Variants in ATF7IP observed in about 807,000 individuals in gnomAD.
The protein encoded by ATF7IP is activating transcription factor 7 interacting protein.
ATF7IP carries 23 observed loss-of-function variants against 106.4 expected under a neutral mutation model. The ratio of observed to expected loss-of-function variants is 0.22; its 90% CI spans 0.16 to 0.31. The LOEUF (loss-of-function observed/expected upper bound fraction) is 0.31, where lower values mean the gene tolerates loss of function less well. ATF7IP is among the 10% of genes least tolerant of loss of function. The pLI is 1.00. For synonymous variants in ATF7IP, 542 were observed against 539.0 expected (o/e 1.01, Z -0.08); for missense variants, 1,334 against 1,524.3 (o/e 0.88, Z 2.08).
intron 1 of ATF7IP, among the ~76,000 whole-genome samples, chr12:14,405,285 C>G (rs1433355042): frequency 6.6e-6 from 1 of 150,880 alleles, no homozygotes; most frequent in African/African-American, 2.4e-5. Context: ...TTAATTAGAT[C>G]TACAAAGAGG....
At chr12:14,408,116 G>GTACA (rs71438314) in intron 1 of ATF7IP, among the ~76,000 whole-genome samples, 1 of 148,982 alleles carries the variant, frequency 6.7e-6, no homozygotes, top group Non-Finnish European at 1.5e-5. Flanking sequence ...ATATTGATGT[G>GTACA]CACACACACA....
In ATF7IP at chr12:14,438,177, T is replaced by G. The variant is rs1331239170; in HGVS notation, c.1839T>G (p.Ala613=). ...AAAAATTGTGTGCGCTGCAGTGTGCTGTATTTGATAAGACTTTGGCAGAAT... is the reference window on the plus strand; with the variant it reads ...AAAAATTGTGTGCGCTGCAGTGTGCGGTATTTGATAAGACTTTGGCAGAAT... The part of the protein sequence containing the change: ...LEEKLCALQC[A]VFDKTLAELK... Residue 613 remains alanine (A), a synonymous_variant, in exon 5 of 15, where the codon GCT becomes GCG. Transcript: ENST00000261168. The G allele has an allele frequency of 6.2e-7, 1 of 1,613,284 alleles. No homozygotes were observed. Among genetic ancestry groups the G allele is most frequent in the Non-Finnish European group, 8.5e-7 (1 of 1,179,976 alleles).
intron 1 of ATF7IP, among the ~76,000 whole-genome samples, chr12:14,400,059 G>C (rs1020708246): frequency 3.9e-5 from 6 of 152,018 alleles, no homozygotes; most frequent in South Asian, 2.1e-4. Context: ...GCACTAGCAT[G>C]GAAGAGAGAA....
chr12:14,460,435 T>C lies in ATF7IP; in HGVS notation c.2159-60T>C. ...TGTATTTAATTTGTGTCTGTCATAT[T>C]TTCTTAGTTGATAAATTAATATAAC... On this transcript the variant is annotated intron_variant, in intron 8 of 14. Transcript: ENST00000261168. The C allele has an allele frequency of 2.7e-6, 4 of 1,457,342 alleles. No individual in the cohort carries two copies. In the South Asian group the frequency reaches 5.3e-5, roughly 19 times the overall value. 90.3% of individuals were successfully genotyped at this position (1,457,342 alleles called of 1,614,324 possible).
At chr12:14,472,895 C>T (rs191292295) in intron 10 of ATF7IP, among the ~76,000 whole-genome samples, 213 of 152,170 alleles carry the variant, frequency 1.4e-3, no homozygotes, top group Admixed American at 2.3e-3. Flanking sequence ...TTTACAAAGA[C>T]GAGGTTTAAT....
chr12:14,443,921 T>C (rs1019965924), intron 5 of ATF7IP, among the ~76,000 whole-genome samples: 1 of 152,180 alleles, frequency 6.6e-6, no homozygotes, highest in African/African-American at 2.4e-5. Flanking sequence ...ATGGTAGTTA[T>C]TTAAAAATGA....
intron 5 of ATF7IP, among the ~76,000 whole-genome samples, chr12:14,442,393 T>G (rs1465881838): frequency 6.6e-6 from 1 of 152,178 alleles, no homozygotes; most frequent in African/African-American, 2.4e-5. Context: ...GCTGCCTGTT[T>G]TGCAATGTGT....
chr12:14,464,881 G>C (rs948135489), intron 9 of ATF7IP, among the ~76,000 whole-genome samples: 2 of 152,142 alleles, frequency 1.3e-5, no homozygotes, highest in Non-Finnish European at 2.9e-5. Flanking sequence ...AATCTTTCTT[G>C]CATCTTTAGG....
Position 14,498,089 on chromosome 12 carries a change from T to G in ATF7IP, c.*16T>G. On this transcript the variant is annotated 3_prime_UTR_variant, in exon 15 of 15. Transcript: ENST00000261168. ...GAGCAGTTAAACCTTGGAGCCTTTA[T>G]ATTTTCCTCTTTTAAAATTTCCACC... is the stretch of plus-strand genomic sequence containing the variant. 1 of 1,535,508 alleles carries G rather than the reference T, an allele frequency of 6.5e-7. No homozygotes were observed. Among genetic ancestry groups the G allele is most frequent in the Admixed American group, 2.1e-5 (1 of 46,752 alleles).
At chr12:14,485,947 G>A (rs1944594870) in intron 13 of ATF7IP, among the ~76,000 whole-genome samples, 1 of 152,072 alleles carries the variant, frequency 6.6e-6, no homozygotes, top group East Asian at 1.9e-4. Flanking sequence ...CGTCCTTGAT[G>A]GTGGCACTAA....
At chr12:14,475,788 A>G in intron 10 of ATF7IP, 102 bp from the exon 11 acceptor site, 1 of 807,708 alleles carries the variant, frequency 1.2e-6, no homozygotes, top group South Asian at 1.9e-5. Flanking sequence ...AGATTGAACC[A>G]GGTTACTCAT....
At chr12:14,497,578 TA>T in intron 14 of ATF7IP, 75 bp from the exon 15 acceptor site, 1 of 1,366,148 alleles carries the variant, frequency 7.3e-7, no homozygotes, top group Non-Finnish European at 1.0e-6. Flanking sequence ...GTATGTTCTC[TA>T]AGGTGTTTTA....
chr12:14,425,568 C>A, intron 2 of ATF7IP, 95 bp downstream of exon 2: 2 of 1,301,002 alleles, frequency 1.5e-6, no homozygotes, highest in Non-Finnish European at 2.0e-6. Flanking sequence ...ATTTTAGCTG[C>A]AGAGAAAGTT....
At chr12:14,457,412 G>C (rs891272937) in intron 8 of ATF7IP, 117 bp downstream of exon 8, 3 of 745,492 alleles carry the variant, frequency 4.0e-6, no homozygotes, top group African/African-American at 1.8e-5. Context: ...ATTGGTCTAA[G>C]TACAAAAATT....
intron 13 of ATF7IP, among the ~76,000 whole-genome samples, chr12:14,487,063 A>T (rs546416973): frequency 3.7e-4 from 57 of 152,086 alleles, no homozygotes; most frequent in East Asian, 7.7e-4. Context: ...TTTCCAGCTC[A>T]CTCACAGTGT....
chr12:14,396,820 G>A (rs1269950629), intron 1 of ATF7IP, among the ~76,000 whole-genome samples: 1 of 152,014 alleles, frequency 6.6e-6, no homozygotes, highest in African/African-American at 2.4e-5. Flanking sequence ...AGGGATAGTA[G>A]GACAGAGGTA....
At chr12:14,374,229 C>T (rs1050772123) in intron 1 of ATF7IP, among the ~76,000 whole-genome samples, 2 of 149,216 alleles carry the variant, frequency 1.3e-5, no homozygotes, top group African/African-American at 4.9e-5. Context: ...TCCTAGGTAG[C>T]TTGGACTACA....
At chr12:14,405,706 A>C (rs937724611) in intron 1 of ATF7IP, among the ~76,000 whole-genome samples, 2 of 152,148 alleles carry the variant, frequency 1.3e-5, no homozygotes, top group African/African-American at 4.8e-5. Context: ...GGCGTGAGCC[A>C]CTGCACCCAG....
intron 1 of ATF7IP, among the ~76,000 whole-genome samples, chr12:14,384,764 C>A (rs1939140513): frequency 2.0e-5 from 3 of 151,516 alleles, no homozygotes; most frequent in African/African-American, 7.3e-5. Context: ...AAATCTTTAG[C>A]CTTCTATAAA....
Sources: allele counts gnomAD v4.1 joint callset (sites outside exome capture counted in the v4.1 genomes callset), GRCh38; gene constraint gnomAD v4.1.1; transcripts MANE v1.5; gene names NCBI Gene and HGNC (gene_info 2026-07-23, HGNC 2026-07-21).